The following CHD7 variants were observed in gnomAD, a reference collection of about 807,000 sequenced individuals.
The protein encoded by CHD7 is chromodomain helicase DNA binding protein 7.
CHD7 carries 24 observed loss-of-function variants against 307.3 expected under a neutral mutation model. That is an observed-to-expected ratio of 0.08 (90% CI 0.06 to 0.11). CHD7 has a LOEUF of 0.11. Among genes scored for constraint, CHD7 ranks in the 10% least tolerant of loss-of-function variants. The pLI is 1.00. For missense variants in CHD7, 3,106 were observed against 3,727.1 expected, an observed-to-expected ratio of 0.83 and a Z score of 4.34; for synonymous variants, 1,363 against 1,349.9, an observed-to-expected ratio of 1.01 and a Z score of -0.21.
chr8:60,721,706 A>G (rs906505760), intron 1 of CHD7, among the ~76,000 whole-genome samples: 1 of 152,192 alleles, frequency 6.6e-6, no homozygotes, highest in Non-Finnish European at 1.5e-5. Flanking sequence ...CGATGCTGCC[A>G]ATGCTGCCAA....
chr8:60,805,449 C>T (rs2150718244), intron 6 of CHD7, among the ~76,000 whole-genome samples: 1 of 152,252 alleles, frequency 6.6e-6, no homozygotes, highest in South Asian at 2.1e-4. Context: ...CCAGGTGCTG[C>T]TAAATGAAGT....
At chr8:60,849,869 T>C (rs1303656169) in intron 25 of CHD7, among the ~76,000 whole-genome samples, 3 of 152,222 alleles carry the variant, frequency 2.0e-5, no homozygotes, top group African/African-American at 7.2e-5. Flanking sequence ...TGCAGCCACA[T>C]TTTGTGAGCT....
At chr8:60,683,514 C>G (rs1447311128) in intron 1 of CHD7, among the ~76,000 whole-genome samples, 3 of 152,134 alleles carry the variant, frequency 2.0e-5, no homozygotes, top group Non-Finnish European at 4.4e-5. Flanking sequence ...GAAATAGAAA[C>G]AGGAAGTTGT....
intron 2 of CHD7, among the ~76,000 whole-genome samples, chr8:60,773,832 C>T (rs1738735651): frequency 6.6e-6 from 1 of 152,138 alleles, no homozygotes; most frequent in Non-Finnish European, 1.5e-5. Flanking sequence ...GGCTGCAAAA[C>T]ACAATAAGAA....
At chr8:60,862,370 G>A (rs774062065) in intron 36 of CHD7, 34 bp downstream of exon 36, 97 of 1,578,792 alleles carry the variant, frequency 6.1e-5, no homozygotes, top group Admixed American at 1.7e-4. Flanking sequence ...ATCACTATGC[G>A]ATTTCTTAGC....
At chr8:60,862,748 G>A in intron 37 of CHD7, 96 bp downstream of exon 37, 1 of 794,772 alleles carries the variant, frequency 1.3e-6, no homozygotes, top group Non-Finnish European at 2.1e-6. Context: ...TTATTCAGTT[G>A]TAACTTAGCT....
At chr8:60,681,074 T>C (rs1362091803) in intron 1 of CHD7, among the ~76,000 whole-genome samples, 3 of 152,214 alleles carry the variant, frequency 2.0e-5, no homozygotes, top group Admixed American at 1.3e-4. Flanking sequence ...GAGTACTCAG[T>C]ATACGTAGTA....
intron 1 of CHD7, among the ~76,000 whole-genome samples, chr8:60,708,483 A>G (rs1262707450): frequency 6.6e-6 from 1 of 152,082 alleles, no homozygotes; most frequent in African/African-American, 2.4e-5. Context: ...ATCGGCTCAC[A>G]CTTCTGGACA....
chr8:60,764,852 C>T (rs935853841), intron 2 of CHD7, among the ~76,000 whole-genome samples: 1 of 152,208 alleles, frequency 6.6e-6, no homozygotes, highest in Non-Finnish European at 1.5e-5. Flanking sequence ...GAAACTTACG[C>T]AGACATAGTA....
chr8:60,824,568 C>T (rs573140108), intron 13 of CHD7: 1 of 153,190 alleles, frequency 6.5e-6, no homozygotes, highest in Non-Finnish European at 1.5e-5. Context: ...TGATGATAGT[C>T]CAGTTATTTT....
In CHD7 at chr8:60,797,263, G is replaced by A. The variant is rs75285674; in HGVS notation, c.2238+2136G>A. 2.0e-3 allele frequency among the ~76,000 whole-genome samples: 303 copies of A among 152,238 alleles called. 11 individuals are homozygous for A. The East Asian group carries it at 0.051, about 26-fold the overall frequency. Reference sequence around the variant, plus strand: ...ATTATTTTAAAACTAGAGAAGCCACGTAACATTAAAAATTTTTATCAAATT... The same window carrying A: ...ATTATTTTAAAACTAGAGAAGCCACATAACATTAAAAATTTTTATCAAATT... On this transcript the variant is annotated intron_variant, in intron 4 of 37. Coordinates refer to ENST00000423902, the MANE Select transcript of CHD7 (RefSeq NM_017780.4).
chr8:60,819,720 G>T (rs1323631222), intron 8 of CHD7, among the ~76,000 whole-genome samples: 1 of 152,196 alleles, frequency 6.6e-6, no homozygotes, highest in Non-Finnish European at 1.5e-5. Flanking sequence ...TTGCTCATTA[G>T]TGAATTGTAA....
chr8:60,726,515 T>C (rs1808166087), intron 1 of CHD7, among the ~76,000 whole-genome samples: 1 of 152,218 alleles, frequency 6.6e-6, no homozygotes, highest in South Asian at 2.1e-4. Flanking sequence ...GGGGTACAGG[T>C]TAAAACAGGA....
At chr8:60,695,524 C>G (rs373892424) in intron 1 of CHD7, among the ~76,000 whole-genome samples, 7 of 152,132 alleles carry the variant, frequency 4.6e-5, no homozygotes, top group Non-Finnish European at 8.8e-5. Flanking sequence ...CTTGACCTTT[C>G]TTTTGGAGGT....
At chr8:60,804,138 C>A (rs1004815292) in intron 6 of CHD7, among the ~76,000 whole-genome samples, 15 of 152,204 alleles carry the variant, frequency 9.9e-5, no homozygotes, top group African/African-American at 3.4e-4. Flanking sequence ...AGGGGTGGCT[C>A]AAGCATTTAT....
Position 60,845,397 on chromosome 8 carries a change from A to G in CHD7, c.5198A>G (p.His1733Arg). ...GACAGCTACAAGAAACACCTGAAGC[A>G]TCACTGTAACAAGTATGTTATTAGA... is the stretch of plus-strand genomic sequence containing the variant. ...QEDSYKKHLK[H>R]HCNKVLLRVR... is the part of the protein sequence containing the mutation. Residue 1733 changes from histidine to arginine, a missense_variant, in exon 23 of 38, where the codon CAT becomes CGT. Physicochemically the swap from His to Arg is conservative, Grantham distance 29. Transcript: ENST00000423902. 1 of 1,613,966 alleles carries G rather than the reference A, an allele frequency of 6.2e-7. No homozygotes were observed.
chr8:60,795,009 C>A lies in CHD7; in HGVS notation c.2120C>A (p.Ala707Glu). 1.2e-6 allele frequency: 2 copies of A among 1,613,552 alleles called. No homozygotes were observed. Among genetic ancestry groups the A allele is most frequent in the Non-Finnish European group, 1.7e-6 (2 of 1,179,688 alleles). ...AGTAATAAGAAACCTGACTCAGAAG[C>A]AAGTGCTTTGAAGAAAAAGGTCAAC... ...KSSNKKPDSE[A>E]SALKKKVNKG... Residue 707 changes from alanine (A) to glutamate (E), a missense_variant, in exon 4 of 38, where the codon GCA becomes GAA. This residue lies in a region of CHD7 where 998 missense variants were observed against 1,004.5 expected (regional missense o/e 0.99). Transcript: ENST00000423902.
intron 12 of CHD7, among the ~76,000 whole-genome samples, chr8:60,823,355 T>G (rs1418230086): frequency 6.6e-6 from 1 of 152,050 alleles, no homozygotes; most frequent in Non-Finnish European, 1.5e-5. Flanking sequence ...ATGGAAGTCC[T>G]GTAAATAGGA....
At chr8:60,860,094 T>TC (rs1328233099) in intron 34 of CHD7, among the ~76,000 whole-genome samples, 1 of 152,206 alleles carries the variant, frequency 6.6e-6, no homozygotes, top group African/African-American at 2.4e-5. Context: ...ACTGTAGACT[T>TC]CAGTTAGTGG....
Sources: allele counts gnomAD v4.1 joint callset (sites outside exome capture counted in the v4.1 genomes callset), GRCh38; gene constraint gnomAD v4.1.1; regional missense constraint gnomAD v4.1.1; transcripts MANE v1.5; gene names NCBI Gene and HGNC (gene_info 2026-07-23, HGNC 2026-07-21).